The following INPP5D variants were observed in gnomAD, a reference collection of about 807,000 sequenced individuals.
INPP5D encodes the protein phosphatidylinositol 3,4,5-trisphosphate 5-phosphatase 1.
Under a neutral mutation model 122.9 loss-of-function variants are expected in INPP5D, and 33 were observed. The ratio of observed to expected loss-of-function variants is 0.27; its 90% confidence interval spans 0.20 to 0.36. The LOEUF (loss-of-function observed/expected upper bound fraction) is 0.36. Among genes scored for constraint, INPP5D ranks in the 10% least tolerant of loss-of-function variants. INPP5D has a pLI of 1.00. For missense variants in INPP5D, 1,053 were observed against 1,412.7 expected, an observed-to-expected ratio of 0.75 and a Z score of 4.08; for synonymous variants, 584 against 576.2, an observed-to-expected ratio of 1.01 and a Z score of -0.19.
chr2:233,137,514 G>GA (rs1693498350), intron 5 of INPP5D, among the ~76,000 whole-genome samples: 1 of 149,052 alleles, frequency 6.7e-6, no homozygotes, highest in Non-Finnish European at 1.5e-5. Context: ...TGGGTGCAGT[G>GA]GCAGGATCTT....
intron 5 of INPP5D, among the ~76,000 whole-genome samples, chr2:233,133,366 T>G (rs1424289439): frequency 1.3e-5 from 2 of 152,152 alleles, no homozygotes; most frequent in Non-Finnish European, 2.9e-5. Context: ...CACAGTGATT[T>G]GGCAGAGGGA....
intron 17 of INPP5D, among the ~76,000 whole-genome samples, chr2:233,176,348 G>GATGA (rs1694626578): frequency 6.9e-6 from 1 of 143,954 alleles, no homozygotes; most frequent in African/African-American, 2.6e-5. Context: ...TGGATGGATG[G>GATGA]ATGGATGGAT....
chr2:233,178,754 G>T (rs1694710471), intron 18 of INPP5D, among the ~76,000 whole-genome samples: 1 of 152,222 alleles, frequency 6.6e-6, no homozygotes, highest in African/African-American at 2.4e-5. Flanking sequence ...CAGGTGCTGG[G>T]ATTACAGGCC....
At chr2:233,137,832 C>CAAAAAAAA (rs746005379) in intron 5 of INPP5D, among the ~76,000 whole-genome samples, 1 of 10,144 alleles carries the variant, frequency 9.9e-5, no homozygotes, top group African/African-American at 2.7e-4. Context: ...AACTCCATCA[C>CAAAAAAAA]AAAAAAAAAA....
chr2:233,117,836 C>A (rs1484938402), intron 2 of INPP5D, among the ~76,000 whole-genome samples: 1 of 152,210 alleles, frequency 6.6e-6, no homozygotes, highest in Non-Finnish European at 1.5e-5. Flanking sequence ...GAGGGCAGCT[C>A]CCCTGCTTGC....
intron 5 of INPP5D, among the ~76,000 whole-genome samples, chr2:233,131,983 A>G (rs904441660): frequency 1.3e-5 from 2 of 152,230 alleles, no homozygotes; most frequent in African/African-American, 4.8e-5. Context: ...TTCTTTGACA[A>G]ATCAAGCACT....
chr2:233,162,824 G>T (rs968162241), intron 11 of INPP5D, among the ~76,000 whole-genome samples: 12 of 152,304 alleles, frequency 7.9e-5, no homozygotes, highest in Non-Finnish European at 1.6e-4. Flanking sequence ...GCCCCAGGGG[G>T]TCACTTGTCC....
intron 9 of INPP5D, among the ~76,000 whole-genome samples, chr2:233,152,813 G>A (rs1329555039): frequency 6.6e-6 from 1 of 152,196 alleles, no homozygotes; most frequent in African/African-American, 2.4e-5. Context: ...CAGAGTACCA[G>A]CTCACGTTTC....
At chr2:233,184,136 G>C (rs1694850090) in intron 19 of INPP5D, among the ~76,000 whole-genome samples, 2 of 152,198 alleles carry the variant, frequency 1.3e-5, no homozygotes, top group South Asian at 2.1e-4. Context: ...AGGTCACACA[G>C]CTTTAGTGAC....
At chr2:233,141,678 T>A (rs1693634438) in intron 6 of INPP5D, 9 of 152,334 alleles carry the variant, frequency 5.9e-5, no homozygotes, top group Admixed American at 5.2e-4. Flanking sequence ...AACACTGCTC[T>A]GGAAAGATCT....
chr2:233,173,061 T>C (rs1359408884), intron 17 of INPP5D, among the ~76,000 whole-genome samples: 1 of 152,016 alleles, frequency 6.6e-6, no homozygotes, highest in Non-Finnish European at 1.5e-5. Context: ...ATACAAAAAT[T>C]AGCCATGCAT....
intron 6 of INPP5D, among the ~76,000 whole-genome samples, chr2:233,144,948 C>T (rs1392883097): frequency 6.6e-6 from 1 of 151,964 alleles, no homozygotes; most frequent in Non-Finnish European, 1.5e-5. Context: ...AGGTCAAAAG[C>T]AAGTGCAGCC....
chr2:233,068,505 G>A (rs1691288437), intron 1 of INPP5D, among the ~76,000 whole-genome samples: 1 of 152,078 alleles, frequency 6.6e-6, no homozygotes, highest in African/African-American at 2.4e-5. Flanking sequence ...TGAGGCAGGA[G>A]AATTGCTTGA....
chr2:233,103,363 C>G (rs1324548021), intron 2 of INPP5D, among the ~76,000 whole-genome samples: 1 of 152,216 alleles, frequency 6.6e-6, no homozygotes, highest in Non-Finnish European at 1.5e-5. Context: ...CCTGATTATT[C>G]TCCACAATGG....
Position 233,197,123 on chromosome 2 carries a change from C to T in INPP5D, c.2694-972C>T, listed in dbSNP as rs1030709459. ...TGGTGGATGGGAACAAGGTACAGCTCGGAACCAGGCTGGCAGAGCACATGG... is the reference window on the plus strand; with the variant it reads ...TGGTGGATGGGAACAAGGTACAGCTTGGAACCAGGCTGGCAGAGCACATGG... On this transcript the variant is annotated intron_variant, in intron 24 of 26. Coordinates refer to ENST00000445964, the MANE Select transcript of INPP5D (RefSeq NM_001017915.3). The surrounding 1 kb of genome is among the most constrained non-coding windows in gnomAD (Gnocchi z 4.4). 6.6e-6 allele frequency among the ~76,000 whole-genome samples: 1 copy of T among 152,170 alleles called. No individual in the cohort carries two copies. Among genetic ancestry groups the T allele is most frequent in the African/African-American group, 2.4e-5 (1 of 41,442 alleles).
At position 233,105,728 on chromosome 2, in the gene INPP5D, G is replaced by A. The variant is rs903785374; in HGVS notation, c.199-16379G>A. On this transcript the variant is annotated intron_variant, in intron 2 of 26. Coordinates refer to ENST00000445964, the MANE Select transcript of INPP5D (RefSeq NM_001017915.3). This position sits in a 1 kb window ranked among gnomAD's most constrained non-coding sequence, Gnocchi z 4.0. The stretch of plus-strand genomic sequence containing the variant: ...GCCCTGCCCAGGGCAGCAGGTGATC[G>A]TGGGGCGGATCTTGACGAGTAGCTT... Among the ~76,000 whole-genome samples, 12 of 152,204 alleles carry A rather than the reference G, an allele frequency of 7.9e-5. No individual in the cohort carries two copies. Among genetic ancestry groups the A allele is most frequent in the African/African-American group, 2.7e-4 (11 of 41,442 alleles).
At position 233,195,396 on chromosome 2, in the gene INPP5D, C is replaced by A. The variant is rs765188572; in HGVS notation, c.2597-3C>A. The A allele has an allele frequency of 6.2e-7, 1 of 1,613,750 alleles. No homozygotes were observed. Among genetic ancestry groups the A allele is most frequent in the Non-Finnish European group, 8.5e-7 (1 of 1,179,784 alleles). On this transcript the variant is annotated splice_region_variant and splice_polypyrimidine_tract_variant and intron_variant, in intron 23 of 26. Transcript: ENST00000445964. Reference sequence around the variant, plus strand: ...ATGCTCTTTCCCGTCCCTTTCCTTCCAGACTTTGTGAAGACGGAGCGTGAT... The same window carrying A: ...ATGCTCTTTCCCGTCCCTTTCCTTCAAGACTTTGTGAAGACGGAGCGTGAT...
In INPP5D at chr2:233,105,352, T is replaced by A. The variant is rs1161551113; in HGVS notation, c.199-16755T>A. Among the ~76,000 whole-genome samples, 1 of 152,172 alleles carries A rather than the reference T, an allele frequency of 6.6e-6. No individual in the cohort carries two copies. Among genetic ancestry groups the A allele is most frequent in the Non-Finnish European group, 1.5e-5 (1 of 68,016 alleles). The stretch of plus-strand genomic sequence containing the variant: ...CCTTCGCCCGCCAGGGTGCTCCCTG[T>A]CTCTTTGCCCCACCACCTCCTATTC... On this transcript the variant is annotated intron_variant, in intron 2 of 26. Transcript: ENST00000445964. The surrounding 1 kb of genome is among the most constrained non-coding windows in gnomAD (Gnocchi z 4.0).
In INPP5D at chr2:233,207,831, T is replaced by C. The variant is rs775449893; in HGVS notation, c.*1123T>C. On this transcript the variant is annotated 3_prime_UTR_variant, in exon 27 of 27. Transcript: ENST00000445964. The surrounding 1 kb of genome is among the most constrained non-coding windows in gnomAD (Gnocchi z 4.6). ...AGCTAAATCCAGTGGTGTGTGTGAA[T>C]GCAGAAGGGAATGCACCCCACATTC... The C allele has an allele frequency of 6.6e-6, 1 of 152,374 alleles. No individual in the cohort carries two copies. Among genetic ancestry groups the C allele is most frequent in the Non-Finnish European group, 1.5e-5 (1 of 68,050 alleles). 9.4% of individuals were successfully genotyped at this position (152,374 alleles called of 1,614,324 possible).
Sources: gnomAD v4.1 joint callset for allele counts (sites outside exome capture counted in the v4.1 genomes callset) on GRCh38, gnomAD v4.1.1 for gene constraint, Gnocchi (gnomAD v3.1) non-coding constraint, MANE v1.5 for transcripts, NCBI Gene and HGNC (gene_info 2026-07-23, HGNC 2026-07-21) for gene names.